Variants in CCT2 observed in about 807,000 individuals in gnomAD.
CCT2 encodes chaperonin containing TCP1 subunit 2, also known as T-complex protein 1 subunit beta.
In CCT2, 18 loss-of-function variants were observed where a neutral mutation model predicts 61.8. The ratio of observed to expected loss-of-function variants is 0.29; its 90% confidence interval spans 0.20 to 0.43. The LOEUF (loss-of-function observed/expected upper bound fraction) is 0.43. CCT2 is among the 20% of genes least tolerant of loss of function. CCT2 has a pLI of 1.00. For missense variants in CCT2, 556 were observed against 656.9 expected, an observed-to-expected ratio of 0.85 and a Z score of 1.68; for synonymous variants, 248 against 215.9, an observed-to-expected ratio of 1.15 and a Z score of -1.30.
chr12:69,596,668 G>A (rs1882002301), intron 10 of CCT2, among the ~76,000 whole-genome samples: 1 of 152,170 alleles, frequency 6.6e-6, no homozygotes, highest in Admixed American at 6.5e-5. Flanking sequence ...TATAGTGGTT[G>A]ACTTATAGGA....
At chr12:69,588,303 T>C (rs1443757595) in intron 6 of CCT2, 41 bp downstream of exon 6, 5 of 1,382,262 alleles carry the variant, frequency 3.6e-6, no homozygotes, top group Non-Finnish European at 4.1e-6. Context: ...CATTTAGTGT[T>C]CTTTCATAAC....
intron 2 of CCT2, 46 bp from the exon 3 acceptor site, chr12:69,586,707 A>G (rs1356336097): frequency 7.7e-7 from 1 of 1,304,306 alleles, no homozygotes; most frequent in African/African-American, 1.5e-5. Context: ...ACTGTACTTG[A>G]AGACTGTAAA....
At chr12:69,592,262 G>T in intron 8 of CCT2, 103 bp downstream of exon 8, 1 of 594,404 alleles carries the variant, frequency 1.7e-6, no homozygotes. Flanking sequence ...GATCATCTGA[G>T]ATCAGAAGTT....
intron 11 of CCT2, 59 bp downstream of exon 11, chr12:69,597,334 G>A: frequency 1.3e-6 from 2 of 1,591,760 alleles, no homozygotes; most frequent in South Asian, 2.2e-5. Flanking sequence ...CTCTGTTGAA[G>A]TAAAGGTTAT....
intron 7 of CCT2, among the ~76,000 whole-genome samples, chr12:69,591,294 T>C (rs1048443624): frequency 2.0e-5 from 3 of 152,102 alleles, no homozygotes; most frequent in Admixed American, 6.5e-5. Flanking sequence ...TGTATGATGG[T>C]TCCAAAGCAG....
chr12:69,596,925 T>G (rs1423330920), intron 10 of CCT2, among the ~76,000 whole-genome samples: 1 of 152,162 alleles, frequency 6.6e-6, no homozygotes, highest in Non-Finnish European at 1.5e-5. Context: ...TTGGCCTCAT[T>G]TTTATCATGT....
At chr12:69,591,248 CA>C (rs1433870211) in intron 7 of CCT2, among the ~76,000 whole-genome samples, 3 of 151,708 alleles carry the variant, frequency 2.0e-5, no homozygotes, top group Non-Finnish European at 4.4e-5. Flanking sequence ...CTAATGTAAC[CA>C]AAAAAAGGCC....
rs1372190308 is a variant in CCT2, at chr12:69,586,326, A to G, written c.60A>G (p.Arg20=). The G allele has an allele frequency of 6.2e-7, 1 of 1,611,564 alleles. No individual in the cohort carries two copies. Among genetic ancestry groups the G allele is most frequent in the South Asian group, 1.1e-5 (1 of 91,020 alleles). Residue 20 remains arginine, a synonymous_variant, in exon 2 of 16, where the codon AGA becomes AGG. Coordinates refer to ENST00000299300, the MANE Select transcript of CCT2 (RefSeq NM_006431.3). ...NIFKAGADEE[R]AETARLTSFI... ...TTAAGGCAGGAGCTGATGAAGAGAG[A>G]GCAGAGACAGCTCGTCTGGTAAGCC...
chr12:69,587,846 A>G, intron 4 of CCT2, 84 bp from the exon 5 acceptor site: 1 of 1,093,746 alleles, frequency 9.1e-7, no homozygotes, highest in Non-Finnish European at 1.4e-6. Context: ...GAACCCTGGT[A>G]AGTTTAGATT....
intron 12 of CCT2, 71 bp downstream of exon 12, chr12:69,597,837 A>T: frequency 6.8e-7 from 1 of 1,478,488 alleles, no homozygotes; most frequent in African/African-American, 1.4e-5. Flanking sequence ...AGTGGTTTTA[A>T]TGGTTCTTAC....
chr12:69,590,878 G>A (rs1881815397), intron 7 of CCT2, among the ~76,000 whole-genome samples: 1 of 151,958 alleles, frequency 6.6e-6, no homozygotes, highest in South Asian at 2.1e-4. Context: ...CACCATGCCT[G>A]GCTAACTTTT....
chr12:69,597,305 T>C (rs1409322388), intron 11 of CCT2, 30 bp downstream of exon 11: 1 of 1,610,104 alleles, frequency 6.2e-7, no homozygotes, highest in South Asian at 1.1e-5. Flanking sequence ...CTGGTTAGGG[T>C]GTCTAAATTC....
Position 69,597,278 on chromosome 12 carries a change from G to A in CCT2, c.1102+3G>A. The A allele has an allele frequency of 6.2e-7, 1 of 1,613,776 alleles. No homozygotes were observed. Among genetic ancestry groups the A allele is most frequent in the Non-Finnish European group, 8.5e-7 (1 of 1,179,804 alleles). On this transcript the variant is annotated splice_donor_region_variant and intron_variant, in intron 11 of 15. Transcript: ENST00000299300. ...TCACTTTTCTGGGGTTGCCCTTGGT[G>A]AGTGATTATGTAGATCCTGGTTAGG...
chr12:69,597,191 C>A lies in CCT2; in HGVS notation c.1018C>A (p.Leu340Met). The A allele has an allele frequency of 1.2e-6, 2 of 1,613,742 alleles. No homozygotes were observed. Among genetic ancestry groups the A allele is most frequent in the Non-Finnish European group, 1.7e-6 (2 of 1,179,684 alleles). Residue 340 changes from leucine to methionine, a missense_variant, in exon 11 of 16, where the codon CTG becomes ATG. By Grantham distance (15) the Leu-to-Met change is conservative. Coordinates refer to ENST00000299300, the MANE Select transcript of CCT2 (RefSeq NM_006431.3). ...EIASTFDHPE[L>M]VKLGSCKLIE... is the part of the protein sequence containing the mutation. Reference sequence around the variant, plus strand: ...TGCCTCTACCTTTGATCACCCAGAACTGGTGAAGCTTGGAAGTTGCAAACT... The same window carrying A: ...TGCCTCTACCTTTGATCACCCAGAAATGGTGAAGCTTGGAAGTTGCAAACT...
At position 69,598,060 on chromosome 12, in the gene CCT2, G is replaced by T; in HGVS notation, c.1324G>T (p.Ala442Ser). The T allele has an allele frequency of 6.2e-7, 1 of 1,609,654 alleles. No homozygotes were observed. The highest frequency in any genetic ancestry group is 8.5e-7 in the Non-Finnish European group (1 of 1,176,198). The change falls in exon 13 of 16, where the codon GCA becomes TCA. Residue 442 changes from alanine (A) to serine (S), a missense_variant. Ala to Ser is a moderately conservative substitution (Grantham distance 99, BLOSUM62 1). Coordinates refer to ENST00000299300, the MANE Select transcript of CCT2 (RefSeq NM_006431.3). ...TGTTGCAATGGAGTCTTATGCTAAAGCACTGAGAATGGTAAGTTAATCAAA... is the reference window on the plus strand; with the variant it reads ...TGTTGCAATGGAGTCTTATGCTAAATCACTGAGAATGGTAAGTTAATCAAA... ...EAVAMESYAKALRMLPTIIAD... is the reference protein window; with the variant it reads ...EAVAMESYAKSLRMLPTIIAD...
At chr12:69,591,234 GT>G (rs1345581722) in intron 7 of CCT2, among the ~76,000 whole-genome samples, 1 of 152,062 alleles carries the variant, frequency 6.6e-6, no homozygotes, top group African/African-American at 2.4e-5. Context: ...TAATGGAAAA[GT>G]TTCTAATGTA....
intron 7 of CCT2, among the ~76,000 whole-genome samples, chr12:69,591,700 T>C (rs1323048512): frequency 6.6e-6 from 1 of 152,226 alleles, no homozygotes; most frequent in Non-Finnish European, 1.5e-5. Flanking sequence ...GATTTTGTAA[T>C]AACTCTTCTA....
At position 69,593,096 on chromosome 12, in the gene CCT2, A is replaced by G. The variant is rs1485165154; in HGVS notation, c.871A>G (p.Ile291Val). Reference protein sequence around the residue: ...RILKHGINCFINRQLIYNYPE... With the variant: ...RILKHGINCFVNRQLIYNYPE... ...TCTTAAGCATGGAATAAATTGCTTT[A>G]TTAACAGGTCTGTGTTTGCTTTTAA... is the stretch of plus-strand genomic sequence containing the variant. Residue 291 changes from isoleucine to valine, a missense_variant, in exon 9 of 16, where the codon ATT (isoleucine) becomes GTT (valine). By Grantham distance (29) the Ile-to-Val change is conservative. This residue lies in a region of CCT2 where 23 missense variants were observed against 56.6 expected (regional missense o/e 0.41). Transcript: ENST00000299300. 6.2e-7 allele frequency: 1 copy of G among 1,612,970 alleles called. No homozygotes were observed. Among genetic ancestry groups the G allele is most frequent in the African/African-American group, 1.3e-5 (1 of 74,928 alleles).
At chr12:69,587,158 TTCCTTTCAGTGTAAGTAG>T (rs1045491953) in intron 3 of CCT2, 4 of 319,580 alleles carry the variant, frequency 1.3e-5, no homozygotes, top group African/African-American at 8.5e-5. Context: ...CTCTTTTAAA[TTCCTTTCAGTGTAAGTAG>T]ATAACACTGC....
Sources: gnomAD v4.1 joint callset for allele counts (sites outside exome capture counted in the v4.1 genomes callset) on GRCh38, gnomAD v4.1.1 for gene constraint, gnomAD v4.1.1 regional missense constraint, MANE v1.5 for transcripts, NCBI Gene and HGNC (gene_info 2026-07-23, HGNC 2026-07-21) for gene names.